Variants in NTRK3 observed in about 807,000 individuals in gnomAD.
The protein encoded by NTRK3 is NT-3 growth factor receptor.
Under a neutral mutation model 91.7 loss-of-function variants are expected in NTRK3, and 24 were observed. The ratio of observed to expected loss-of-function variants is 0.26; its 90% CI spans 0.19 to 0.37. The LOEUF (loss-of-function observed/expected upper bound fraction) is 0.37, where lower values mean the gene tolerates loss of function less well. Ranked by LOEUF, NTRK3 falls within the 10% of genes least tolerant of loss-of-function variation. The pLI is 1.00. For synonymous variants in NTRK3, 483 were observed against 404.0 expected (o/e 1.20, Z -2.34); for missense variants, 880 against 1,068.9 (o/e 0.82, Z 2.46).
chr15:87,972,531 C>T (rs749958065), intron 14 of NTRK3, among the ~76,000 whole-genome samples: 2 of 152,110 alleles, frequency 1.3e-5, no homozygotes, highest in African/African-American at 4.8e-5. Context: ...GAGAACTGCT[C>T]GAGGGTTTTG....
intron 6 of NTRK3, among the ~76,000 whole-genome samples, chr15:88,140,425 C>T (rs548953526): frequency 2.0e-5 from 3 of 152,296 alleles, no homozygotes; most frequent in South Asian, 2.1e-4. Context: ...CCAGATGGGG[C>T]ATCTTTTCTA....
intron 14 of NTRK3, among the ~76,000 whole-genome samples, chr15:87,943,263 A>C (rs2142043324): frequency 6.6e-6 from 1 of 152,240 alleles, no homozygotes; most frequent in East Asian, 1.9e-4. Context: ...TTACCTTTAC[A>C]ACTTGGCCTA....
At chr15:88,103,638 T>A (rs965592491) in intron 13 of NTRK3, among the ~76,000 whole-genome samples, 6 of 152,300 alleles carry the variant, frequency 3.9e-5, no homozygotes, top group Admixed American at 6.5e-5. Context: ...GTGGTAGTCA[T>A]CCACTCTCAG....
chr15:88,212,575 C>T lies in NTRK3; in HGVS notation c.249-28276G>A, dbSNP rs904623403. ...AAGACACTTCTCTGTTGATGGACCT[C>T]GTTCCTACCCAAAAATACAGTAACT... On this transcript the variant is annotated intron_variant, in intron 3 of 18. Transcript: ENST00000394480. 3.1e-4 allele frequency among the ~76,000 whole-genome samples: 47 copies of T among 152,146 alleles called. No homozygotes were observed. The Middle Eastern group carries it at 0.01, about 33-fold the overall frequency.
intron 13 of NTRK3, among the ~76,000 whole-genome samples, chr15:88,048,168 G>C (rs1312702161): frequency 6.6e-6 from 1 of 152,042 alleles, no homozygotes; most frequent in African/African-American, 2.4e-5. Flanking sequence ...CCTTCCTCAG[G>C]GTATAGGTCA....
Position 87,875,338 on chromosome 15 carries a change from T to A in NTRK3, c.*1597A>T, listed in dbSNP as rs2064920400. ...GATCTGTGGGGCCAGGCTGTTGGCT[T>A]CCATGTTTCATGTGACAGGGAGGCC... On this transcript the variant is annotated 3_prime_UTR_variant, in exon 19 of 19. Transcript: ENST00000394480. 1.3e-5 allele frequency: 3 copies of A among 230,808 alleles called. No homozygotes were observed. The East Asian group carries it at 1.8e-4, about 14-fold the overall frequency. 14.3% of individuals were successfully genotyped at this position (230,808 alleles called of 1,614,324 possible).
At chr15:88,093,461 T>C (rs1326046262) in intron 13 of NTRK3, among the ~76,000 whole-genome samples, 3 of 152,206 alleles carry the variant, frequency 2.0e-5, no homozygotes, top group Non-Finnish European at 4.4e-5. Flanking sequence ...CTTACTCTTC[T>C]TCTCATGCTT....
chr15:87,952,319 G>T (rs1376629651), intron 14 of NTRK3, among the ~76,000 whole-genome samples: 1 of 152,158 alleles, frequency 6.6e-6, no homozygotes, highest in African/African-American at 2.4e-5. Flanking sequence ...TCTTCCTAAC[G>T]TGCTTAAAAT....
intron 5 of NTRK3, among the ~76,000 whole-genome samples, chr15:88,150,032 C>G (rs1281976480): frequency 3.3e-5 from 5 of 152,252 alleles, no homozygotes; most frequent in Admixed American, 6.5e-5. Flanking sequence ...GCTCCCTACC[C>G]CTCTCCAGTG....
intron 14 of NTRK3, among the ~76,000 whole-genome samples, chr15:87,948,123 C>T (rs1263682693): frequency 6.6e-6 from 1 of 152,216 alleles, no homozygotes; most frequent in Non-Finnish European, 1.5e-5. Flanking sequence ...AGAGCATAGC[C>T]AGACAAACAT....
intron 17 of NTRK3, among the ~76,000 whole-genome samples, chr15:87,919,510 CAGAATACCTG>C (rs1274063221): frequency 6.6e-6 from 1 of 152,150 alleles, no homozygotes; most frequent in Non-Finnish European, 1.5e-5. Context: ...CTATACTTTT[CAGAATACCTG>C]AGTTGCAGGT....
rs572040073 is a variant in NTRK3, at chr15:87,962,550, C to T, written c.1586-21797G>A. On this transcript the variant is annotated intron_variant, in intron 14 of 18. Coordinates refer to ENST00000394480, the Ensembl canonical transcript of NTRK3. ...GATAATCTCACTAGCAATCTCTCCA[C>T]CCCTTCAGATTTCCTGTTGCTATTT... Among the ~76,000 whole-genome samples, 15 of 152,328 alleles carry T rather than the reference C, an allele frequency of 9.8e-5. No homozygotes were observed. In the South Asian group the frequency reaches 3.1e-3, roughly 32 times the overall value.
Position 87,862,780 on chromosome 15 carries a change from G to A in NTRK3, c.*14155C>T, listed in dbSNP as rs147836994. 9.8e-4 allele frequency: 224 copies of A among 229,284 alleles called. 2 individuals carry two copies. The East Asian group carries it at 0.012, about 12-fold the overall frequency. The allele number at this position is 229,284 out of a possible 1,614,324, so 14.2% of individuals were successfully genotyped here. On this transcript the variant is annotated 3_prime_UTR_variant, in exon 19 of 19. Transcript: ENST00000394480. ...TGCATTCTTATTGTGATTGTTTAAG[G>A]CAAAAACAGCTGTTAAAGAGCACTC...
At chr15:88,058,502 C>A (rs888851390) in intron 13 of NTRK3, among the ~76,000 whole-genome samples, 2 of 152,166 alleles carry the variant, frequency 1.3e-5, no homozygotes, top group Admixed American at 6.5e-5. Flanking sequence ...GAAGTTCTGT[C>A]TGTGGGTCTC....
intron 13 of NTRK3, among the ~76,000 whole-genome samples, chr15:88,064,576 C>T (rs780627008): frequency 5.9e-5 from 9 of 152,168 alleles, no homozygotes; most frequent in Non-Finnish European, 1.3e-4. Context: ...GAATTTGCTC[C>T]ATCATGCATG....
intron 13 of NTRK3, among the ~76,000 whole-genome samples, chr15:88,100,709 T>C (rs1472821402): frequency 6.6e-6 from 1 of 151,940 alleles, no homozygotes; most frequent in Non-Finnish European, 1.5e-5. Context: ...AATTATAAAC[T>C]CCTCCTACCT....
intron 13 of NTRK3, among the ~76,000 whole-genome samples, chr15:88,104,021 T>C (rs2050443007): frequency 6.6e-6 from 1 of 152,246 alleles, no homozygotes; most frequent in African/African-American, 2.4e-5. Flanking sequence ...ATTCTTGCTA[T>C]AAGGGACCTC....
chr15:87,955,020 C>G (rs1184666563), intron 14 of NTRK3, among the ~76,000 whole-genome samples: 1 of 152,236 alleles, frequency 6.6e-6, no homozygotes, highest in Non-Finnish European at 1.5e-5. Context: ...CACCAGACAT[C>G]TTACTCAACC....
chr15:88,095,468 G>C (rs1340438400), intron 13 of NTRK3, among the ~76,000 whole-genome samples: 2 of 152,184 alleles, frequency 1.3e-5, no homozygotes, highest in Non-Finnish European at 2.9e-5. Flanking sequence ...GTTGTCAATG[G>C]CATTTTTGGG....
Sources: gnomAD v4.1 joint callset for allele counts (sites outside exome capture counted in the v4.1 genomes callset) on GRCh38, gnomAD v4.1.1 for gene constraint, MANE v1.5 for transcripts, NCBI Gene and HGNC (gene_info 2026-07-23, HGNC 2026-07-21) for gene names.